Variants in SUSD1 observed in about 807,000 individuals in gnomAD.
SUSD1 encodes the protein sushi domain-containing protein 1.
A neutral mutation model predicts 86.9 loss-of-function variants in SUSD1; 65 were observed. That is an observed-to-expected ratio of 0.75 (90% CI 0.61 to 0.92). The LOEUF (loss-of-function observed/expected upper bound fraction) is 0.92. Among genes scored for constraint, SUSD1 ranks in the 40% least tolerant of loss-of-function variants. The pLI, the probability that SUSD1 is intolerant of heterozygous loss-of-function variation, is 0.00. For synonymous variants in SUSD1, 346 were observed against 350.0 expected (o/e 0.99, Z 0.13); for missense variants, 850 against 929.7 (o/e 0.91, Z 1.11).
chr9:112,074,798 T>G (rs910891419), intron 12 of SUSD1, among the ~76,000 whole-genome samples: 4 of 151,998 alleles, frequency 2.6e-5, no homozygotes, highest in African/African-American at 7.2e-5. Context: ...GGGTTGGTTT[T>G]TTTTTTTTTT....
intron 15 of SUSD1, among the ~76,000 whole-genome samples, chr9:112,043,100 T>A (rs965970836): frequency 2.0e-5 from 3 of 152,168 alleles, no homozygotes; most frequent in African/African-American, 7.2e-5. Context: ...ACAAAGACGA[T>A]AATAGCCCTT....
intron 9 of SUSD1, among the ~76,000 whole-genome samples, chr9:112,099,706 T>A (rs1830546578): frequency 6.6e-6 from 1 of 152,204 alleles, no homozygotes; most frequent in Admixed American, 6.5e-5. Context: ...AGACATATGC[T>A]CGGTGTTGCC....
intron 10 of SUSD1, among the ~76,000 whole-genome samples, chr9:112,092,022 C>G (rs1406957156): frequency 1.3e-5 from 2 of 152,202 alleles, no homozygotes. Context: ...GGCCAGCGTT[C>G]AATTCAAGCA....
chr9:112,122,901 A>G (rs570775210), intron 6 of SUSD1, among the ~76,000 whole-genome samples: 2 of 152,362 alleles, frequency 1.3e-5, no homozygotes, highest in South Asian at 4.1e-4. Flanking sequence ...AGATACCTAC[A>G]GTAGTGAAAT....
Position 112,157,561 on chromosome 9 carries a change from T to A in SUSD1, c.156A>T (p.Glu52Asp). ...AGTTGCAAATACAGATCTTCTTCCC[T>A]TCTCTTTGCTGGCATGTGGCATGTT... The part of the protein sequence containing the change: ...CHEHATCQQR[E>D]GKKICICNYG... The change falls in exon 2 of 17, where the codon GAA (glutamate) becomes GAT (aspartate). Residue 52 changes from glutamate (E) to aspartate (D), a missense_variant. Coordinates refer to ENST00000374270, the MANE Select transcript of SUSD1 (RefSeq NM_022486.5). The A allele has an allele frequency of 6.2e-7, 1 of 1,614,186 alleles. No individual in the cohort carries two copies. Among genetic ancestry groups the A allele is most frequent in the Non-Finnish European group, 8.5e-7 (1 of 1,180,006 alleles).
intron 15 of SUSD1, among the ~76,000 whole-genome samples, chr9:112,046,531 C>G (rs78011436): frequency 6.6e-6 from 1 of 152,156 alleles, no homozygotes; most frequent in Admixed American, 6.5e-5. Context: ...TATCTTTAAC[C>G]CCTTCCCTGA....
intron 10 of SUSD1, among the ~76,000 whole-genome samples, chr9:112,085,121 C>T (rs1248767052): frequency 6.6e-6 from 1 of 152,168 alleles, no homozygotes; most frequent in Non-Finnish European, 1.5e-5. Flanking sequence ...TAAACAATCA[C>T]AGCAGCTATG....
chr9:112,144,769 C>G (rs954654291), intron 3 of SUSD1, among the ~76,000 whole-genome samples: 9 of 151,474 alleles, frequency 5.9e-5, no homozygotes, highest in African/African-American at 1.7e-4. Flanking sequence ...AATGAGACAG[C>G]CTTAAAACAG....
chr9:112,061,448 G>C (rs568249295), intron 13 of SUSD1, among the ~76,000 whole-genome samples: 6 of 152,330 alleles, frequency 3.9e-5, no homozygotes, highest in African/African-American at 1.4e-4. Flanking sequence ...TCCCTCGAAT[G>C]ACTCACAGTT....
chr9:112,143,473 G>A lies in SUSD1; in HGVS notation c.524C>T (p.Thr175Ile), dbSNP rs143390223. ...CGCAATTTTTGGCAGAAACCCACCT[G>A]TGCATGATGTGGCATCGGTGGTCGG... is the stretch of plus-strand genomic sequence containing the variant. ...FHPTTDATSC[T>I]EIDCGTPPEV... is the part of the protein sequence containing the mutation. The change falls in exon 4 of 17, where the codon ACA becomes ATA. Residue 175 changes from threonine to isoleucine, a missense_variant and splice_region_variant. Coordinates refer to ENST00000374270, the MANE Select transcript of SUSD1 (RefSeq NM_022486.5). 1,435 of 1,613,158 alleles carry A rather than the reference G, an allele frequency of 8.9e-4. 7 individuals carry two copies. The African/African-American group carries it at 0.016, about 18-fold the overall frequency.
At chr9:112,165,941 A>AGAAAG (rs1564358109) in intron 1 of SUSD1, among the ~76,000 whole-genome samples, 1 of 75,938 alleles carries the variant, frequency 1.3e-5, no homozygotes, top group African/African-American at 4.9e-5. Flanking sequence ...AAAGAAAGAA[A>AGAAAG]GAAGAAAGAA....
chr9:112,147,890 G>A (rs1589725700), intron 3 of SUSD1, among the ~76,000 whole-genome samples: 1 of 151,952 alleles, frequency 6.6e-6, no homozygotes. Flanking sequence ...ATTTAATACT[G>A]TAACATTGTA....
chr9:112,143,670 AG>A (rs747619704), intron 3 of SUSD1, 47 bp from the exon 4 acceptor site: 2 of 1,546,270 alleles, frequency 1.3e-6, no homozygotes, highest in Middle Eastern at 1.7e-4. Context: ...AACAGAAAAA[AG>A]AAAAAAAAAA....
chr9:112,076,583 T>C (rs1001894457), intron 12 of SUSD1, among the ~76,000 whole-genome samples: 2 of 152,110 alleles, frequency 1.3e-5, no homozygotes, highest in African/African-American at 4.8e-5. Context: ...ATAGGACATG[T>C]GTAGAAGTTG....
Position 112,140,328 on chromosome 9 carries a change from G to C in SUSD1, c.706+1992C>G, listed in dbSNP as rs1832507311. 2.5e-5 allele frequency among the ~76,000 whole-genome samples: 2 copies of C among 80,202 alleles called. 1 individual carries two copies. Among genetic ancestry groups the C allele is most frequent in the African/African-American group, 2.0e-4 (2 of 10,122 alleles). 52.6% of individuals were successfully genotyped at this position (80,202 alleles called of 152,430 possible). A position where few individuals can be genotyped will look rare whatever the true frequency, so the allele number is the denominator to read the frequency against. On this transcript the variant is annotated intron_variant, in intron 5 of 16. Coordinates refer to ENST00000374270, the MANE Select transcript of SUSD1 (RefSeq NM_022486.5). ...CGTGAGCCGAGATTGCGCCACTGCA[G>C]TCCGCAGTCCGGCCTGGGCGACAGA... is the stretch of plus-strand genomic sequence containing the variant.
rs1184798871 is a variant in SUSD1, at chr9:112,113,139, C to CA, written c.887-272dup. 6.6e-6 allele frequency among the ~76,000 whole-genome samples: 1 copy of CA among 152,180 alleles called. No individual in the cohort carries two copies. The highest frequency in any genetic ancestry group is 1.9e-4 in the East Asian group (1 of 5,194). On this transcript the variant is annotated intron_variant, in intron 6 of 16. Transcript: ENST00000374270. The surrounding 1 kb of genome is among the most constrained non-coding windows in gnomAD (Gnocchi z 4.1). ...GAATTCTAACCTGTGATTCACCTGA[C>CA]AGGCCACTGGATGCCACTGGCATTC...
chr9:112,099,745 C>T (rs1830548425), intron 9 of SUSD1, among the ~76,000 whole-genome samples: 1 of 152,178 alleles, frequency 6.6e-6, no homozygotes, highest in Non-Finnish European at 1.5e-5. Context: ...GTCTATACCA[C>T]CCTCAATCCC....
chr9:112,127,534 C>T (rs1027601870), intron 5 of SUSD1, among the ~76,000 whole-genome samples: 10 of 150,636 alleles, frequency 6.6e-5, no homozygotes, highest in Non-Finnish European at 1.5e-4. Flanking sequence ...TGATCTGCTC[C>T]ATTACTAACA....
At chr9:112,087,873 A>C (rs895570617) in intron 10 of SUSD1, among the ~76,000 whole-genome samples, 1 of 152,244 alleles carries the variant, frequency 6.6e-6, no homozygotes, top group African/African-American at 2.4e-5. Context: ...AAAGGGATAC[A>C]CTGGGTACCT....
Sources: gnomAD v4.1 joint callset for allele counts (sites outside exome capture counted in the v4.1 genomes callset) on GRCh38, gnomAD v4.1.1 for gene constraint, Gnocchi (gnomAD v3.1) non-coding constraint, MANE v1.5 for transcripts, NCBI Gene and HGNC (gene_info 2026-07-23, HGNC 2026-07-21) for gene names.